Variants in CSMD1 observed in about 807,000 individuals in gnomAD.
The protein encoded by CSMD1 is CUB and Sushi multiple domains 1, also known as CUB and sushi domain-containing protein 1.
CSMD1 carries 213 observed loss-of-function variants against 417.5 expected under a neutral mutation model. The observed-to-expected ratio is 0.51, with a 90% CI of 0.46 to 0.57. CSMD1 has a LOEUF of 0.57. Among genes scored for constraint, CSMD1 ranks in the 20% least tolerant of loss-of-function variants. The pLI, the probability that CSMD1 is intolerant of heterozygous loss-of-function variation, is 0.00. For synonymous variants in CSMD1, 2,862 were observed against 1,736.8 expected (o/e 1.65, Z -16.11); for missense variants, 6,923 against 4,529.7 (o/e 1.53, Z -15.17).
rs180890986 is a variant in CSMD1 at position 3,128,557 on chromosome 8, G to C, written c.6242-9970C>G. The C allele has an allele frequency of 4.1e-3, 1,083 of 263,750 alleles. 9 individuals are homozygous for C. Among genetic ancestry groups the C allele is most frequent in the Non-Finnish European group, 6.3e-3 (850 of 133,896 alleles). The allele number at this position is 263,750 out of a possible 1,614,324, so 16.3% of individuals were successfully genotyped here. A position where few individuals can be genotyped will look rare whatever the true frequency, so the allele number is the denominator to read the frequency against. On this transcript the variant is annotated intron_variant, in intron 41 of 69. Coordinates refer to ENST00000635120, the MANE Select transcript of CSMD1 (RefSeq NM_033225.6). ...AAGCTTAGCTTCTAAATCTCAAGTA[G>C]AACCTAGGAATGTTTATTTGACTTA...
intron 15 of CSMD1, 104 bp from the exon 16 acceptor site, chr8:3,399,633 A>G (rs537842822): frequency 1.5e-5 from 13 of 844,282 alleles, no homozygotes; most frequent in Non-Finnish European, 2.2e-5. Flanking sequence ...TCATAGACTG[A>G]ATATTTTCAA....
At chr8:3,015,625 T>A (rs77097827) in intron 52 of CSMD1, among the ~76,000 whole-genome samples, 3,112 of 152,044 alleles carry the variant, frequency 0.02, 98 homozygotes, top group African/African-American at 0.07. Context: ...TATATCTCCT[T>A]ACCAACTGCA....
chr8:4,922,207 T>A (rs953877098), intron 1 of CSMD1, among the ~76,000 whole-genome samples: 1 of 152,054 alleles, frequency 6.6e-6, no homozygotes, highest in Non-Finnish European at 1.5e-5. Flanking sequence ...TGCGTGCATG[T>A]CTGTCTGTGT....
chr8:3,781,594 C>A, intron 5 of CSMD1, among the ~76,000 whole-genome samples: 1 of 152,178 alleles, frequency 6.6e-6, no homozygotes, highest in East Asian at 1.9e-4. Flanking sequence ...TCAGTGTACT[C>A]TGTCCCACAG....
chr8:4,841,385 G>A (rs972810215), intron 1 of CSMD1, among the ~76,000 whole-genome samples: 1 of 152,118 alleles, frequency 6.6e-6, no homozygotes, highest in African/African-American at 2.4e-5. Flanking sequence ...TGAAGGCAGG[G>A]ACCACACCTT....
chr8:4,050,652 C>T (rs1056176378), intron 3 of CSMD1, among the ~76,000 whole-genome samples: 6 of 151,970 alleles, frequency 3.9e-5, no homozygotes, highest in African/African-American at 1.5e-4. Flanking sequence ...AGATCTTATT[C>T]GTTCTCTTTT....
intron 42 of CSMD1, among the ~76,000 whole-genome samples, chr8:3,116,600 G>C (rs1173793649): frequency 6.6e-6 from 1 of 152,168 alleles, no homozygotes; most frequent in African/African-American, 2.4e-5. Flanking sequence ...GTTAGAATTA[G>C]GAAAGGTGGC....
intron 25 of CSMD1, among the ~76,000 whole-genome samples, chr8:3,304,398 C>T (rs919800343): frequency 6.6e-5 from 10 of 152,076 alleles, no homozygotes; most frequent in African/African-American, 1.4e-4. Context: ...ACATGATATA[C>T]AATTTTAGTA....
At chr8:4,154,200 C>G (rs902457401) in intron 3 of CSMD1, among the ~76,000 whole-genome samples, 1 of 152,094 alleles carries the variant, frequency 6.6e-6, no homozygotes, top group Non-Finnish European at 1.5e-5. Flanking sequence ...CACATCTATT[C>G]AGGAAGAATA....
intron 26 of CSMD1, among the ~76,000 whole-genome samples, chr8:3,263,475 G>C (rs991393601): frequency 2.0e-5 from 3 of 152,110 alleles, no homozygotes; most frequent in Admixed American, 2.0e-4. Flanking sequence ...GTTTATCTCA[G>C]ATGAATTCAA....
intron 26 of CSMD1, among the ~76,000 whole-genome samples, chr8:3,258,139 A>C (rs1800795820): frequency 1.3e-5 from 2 of 152,200 alleles, no homozygotes; most frequent in Non-Finnish European, 2.9e-5. Flanking sequence ...ACAGAATATG[A>C]GAATGAACAG....
intron 51 of CSMD1, among the ~76,000 whole-genome samples, chr8:3,028,994 T>C (rs964027804): frequency 2.3e-4 from 35 of 152,228 alleles, no homozygotes; most frequent in African/African-American, 7.7e-4. Context: ...ATTAGAACTC[T>C]TGAATAGTCT....
chr8:3,364,648 T>A (rs544955297), intron 20 of CSMD1, among the ~76,000 whole-genome samples: 2 of 152,146 alleles, frequency 1.3e-5, no homozygotes, highest in African/African-American at 4.8e-5. Context: ...ATTAAAGCCA[T>A]TAAAAGGGCT....
intron 1 of CSMD1, among the ~76,000 whole-genome samples, chr8:4,870,093 T>A: frequency 6.6e-6 from 1 of 152,160 alleles, no homozygotes; most frequent in African/African-American, 2.4e-5. Context: ...TGATATTCAA[T>A]ATTGCACACT....
chr8:3,209,307 ATTTAT>A (rs1314536435), intron 30 of CSMD1, among the ~76,000 whole-genome samples: 4 of 151,638 alleles, frequency 2.6e-5, no homozygotes, highest in African/African-American at 7.3e-5. Context: ...TTATTTATTT[ATTTAT>A]TTATTTATAT....
At chr8:4,443,536 C>T (rs1178512809) in intron 2 of CSMD1, among the ~76,000 whole-genome samples, 1 of 152,116 alleles carries the variant, frequency 6.6e-6, no homozygotes, top group Admixed American at 6.5e-5. Context: ...TAGAATTTCA[C>T]GAATGATATG....
intron 3 of CSMD1, among the ~76,000 whole-genome samples, chr8:4,150,795 G>A (rs753383948): frequency 1.3e-5 from 2 of 152,186 alleles, no homozygotes; most frequent in Non-Finnish European, 2.9e-5. Flanking sequence ...TGTAGTTTGC[G>A]CACTTGCAGA....
rs186550512 is a variant in CSMD1, at chr8:3,640,303, T to C, written c.1010-23506A>G. On this transcript the variant is annotated intron_variant, in intron 7 of 69. Coordinates refer to ENST00000635120, the MANE Select transcript of CSMD1 (RefSeq NM_033225.6). Reference sequence around the variant, plus strand: ...TGTTTTGGAACATTTAGTCTCCAGGTTTCATGTTCACAACCAAGATTTTAT... The same window carrying C: ...TGTTTTGGAACATTTAGTCTCCAGGCTTCATGTTCACAACCAAGATTTTAT... Among the ~76,000 whole-genome samples, 289 of 152,316 alleles carry C rather than the reference T, an allele frequency of 1.9e-3. 1 individual carries two copies. Among genetic ancestry groups the C allele is most frequent in the African/African-American group, 6.6e-3 (276 of 41,562 alleles).
chr8:4,583,827 C>A (rs907824681), intron 2 of CSMD1, among the ~76,000 whole-genome samples: 17 of 151,904 alleles, frequency 1.1e-4, no homozygotes, highest in Non-Finnish European at 1.8e-4. Context: ...CAGTGGCAAC[C>A]CACTCGTGTC....
Sources: gnomAD v4.1 joint callset for allele counts (sites outside exome capture counted in the v4.1 genomes callset) on GRCh38, gnomAD v4.1.1 for gene constraint, MANE v1.5 for transcripts, NCBI Gene and HGNC (gene_info 2026-07-23, HGNC 2026-07-21) for gene names.